Variants in KIAA0825 observed in about 807,000 individuals in gnomAD.
KIAA0825 encodes KIAA0825.
In KIAA0825, 119 loss-of-function variants were observed where a neutral mutation model predicts 147.6. The observed-to-expected ratio is 0.81, with a 90% CI of 0.69 to 0.94. The LOEUF is 0.94. Ranked by LOEUF, KIAA0825 falls within the 40% of genes least tolerant of loss-of-function variation. KIAA0825 has a pLI of 0.00. For synonymous variants in KIAA0825, 470 were observed against 518.1 expected (o/e 0.91, Z 1.26); for missense variants, 1,381 against 1,472.7 (o/e 0.94, Z 1.02).
chr5:94,614,773 C>T (rs11743258), intron 1 of KIAA0825, among the ~76,000 whole-genome samples: 4,208 of 152,190 alleles, frequency 0.028, 196 homozygotes, highest in East Asian at 0.21. Context: ...AATTGCCCTA[C>T]ATATAATTAT....
chr5:94,382,867 C>A (rs928381495), intron 20 of KIAA0825, among the ~76,000 whole-genome samples: 8 of 152,080 alleles, frequency 5.3e-5, no homozygotes, highest in Admixed American at 3.9e-4. Context: ...CCCTAGAGGA[C>A]CATTTAGTGG....
At chr5:94,541,714 T>C (rs1773353897) in intron 2 of KIAA0825, among the ~76,000 whole-genome samples, 1 of 152,256 alleles carries the variant, frequency 6.6e-6, no homozygotes, top group African/African-American at 2.4e-5. Context: ...TCTTACCTTA[T>C]GGTCAAACTG....
chr5:94,274,935 CTGAT>C (rs1777156826), intron 20 of KIAA0825, among the ~76,000 whole-genome samples: 1 of 152,106 alleles, frequency 6.6e-6, no homozygotes, highest in Non-Finnish European at 1.5e-5. Context: ...GTGGAATACA[CTGAT>C]TGGCTCAGGC....
intron 20 of KIAA0825, among the ~76,000 whole-genome samples, chr5:94,297,095 T>C (rs73139386): frequency 0.09 from 13,672 of 152,220 alleles, 677 homozygotes; most frequent in East Asian, 0.1. Flanking sequence ...TTATTCAACA[T>C]GGAAGTTAAT....
intron 20 of KIAA0825, among the ~76,000 whole-genome samples, chr5:94,353,570 CAG>C (rs749916364): frequency 3.6e-4 from 54 of 152,048 alleles, no homozygotes; most frequent in Non-Finnish European, 6.6e-4. Flanking sequence ...TTACCACTAA[CAG>C]TATAGATAAA....
At chr5:94,229,502 ATT>A (rs769082743) in intron 20 of KIAA0825, among the ~76,000 whole-genome samples, 115 of 138,768 alleles carry the variant, frequency 8.3e-4, no homozygotes, top group African/African-American at 2.7e-3. Flanking sequence ...TCCATATTGA[ATT>A]TTTTTTTTTT....
At chr5:94,199,743 T>C (rs1771486138) in intron 20 of KIAA0825, among the ~76,000 whole-genome samples, 1 of 151,908 alleles carries the variant, frequency 6.6e-6, no homozygotes, top group Non-Finnish European at 1.5e-5. Context: ...TACATGTCAG[T>C]TGGGGGATGC....
At position 94,460,377 on chromosome 5, in the gene KIAA0825, T is replaced by C. The variant is rs185399792; in HGVS notation, c.2246+2010A>G. ...TTTTGCAAACAGGTTTCATTCTTCCTGAAAAGACTTTAAAATCATGTATTC... is the reference window on the plus strand; with the variant it reads ...TTTTGCAAACAGGTTTCATTCTTCCCGAAAAGACTTTAAAATCATGTATTC... On this transcript the variant is annotated intron_variant, in intron 12 of 20. Transcript: ENST00000682413. Among the ~76,000 whole-genome samples the C allele has an allele frequency of 8.9e-4, 135 of 152,228 alleles. 1 individual carries two copies. Among genetic ancestry groups the C allele is most frequent in the Non-Finnish European group, 2.9e-4 (20 of 67,946 alleles).
At chr5:94,457,090 T>C (rs1413030326) in intron 12 of KIAA0825, among the ~76,000 whole-genome samples, 1 of 152,232 alleles carries the variant, frequency 6.6e-6, no homozygotes, top group Non-Finnish European at 1.5e-5. Flanking sequence ...CAGATGTTTA[T>C]GGTCTCAAAG....
At chr5:94,586,557 A>G in intron 1 of KIAA0825, among the ~76,000 whole-genome samples, 1 of 152,198 alleles carries the variant, frequency 6.6e-6, no homozygotes, top group East Asian at 1.9e-4. Context: ...TTAATAGGCT[A>G]CCAACCAAAA....
intron 20 of KIAA0825, among the ~76,000 whole-genome samples, chr5:94,172,539 G>A (rs1583742461): frequency 1.3e-5 from 2 of 152,118 alleles, no homozygotes; most frequent in Non-Finnish European, 2.9e-5. Context: ...TGACTTAGTT[G>A]GTTAGTTCTG....
chr5:94,465,353 C>G (rs959564445), intron 10 of KIAA0825, among the ~76,000 whole-genome samples: 7 of 152,156 alleles, frequency 4.6e-5, no homozygotes, highest in Admixed American at 2.6e-4. Flanking sequence ...AAACAACTAG[C>G]TTTGTAGTTG....
At chr5:94,458,978 A>T (rs930023629) in intron 12 of KIAA0825, among the ~76,000 whole-genome samples, 1 of 151,804 alleles carries the variant, frequency 6.6e-6, no homozygotes, top group Non-Finnish European at 1.5e-5. Context: ...GTCACTCCCC[A>T]TTCCCTCCTC....
At chr5:94,364,607 C>T (rs577705701) in intron 20 of KIAA0825, among the ~76,000 whole-genome samples, 40 of 152,134 alleles carry the variant, frequency 2.6e-4, no homozygotes, top group African/African-American at 9.4e-4. Context: ...TGGTCTCAAT[C>T]TCCTGACCTC....
intron 1 of KIAA0825, among the ~76,000 whole-genome samples, chr5:94,604,853 A>C (rs2152425605): frequency 6.6e-6 from 1 of 152,284 alleles, no homozygotes; most frequent in African/African-American, 2.4e-5. Flanking sequence ...AACCTAAAGC[A>C]GACAAATCCC....
In KIAA0825 at chr5:94,374,724, C is replaced by A. The variant is rs1367887053; in HGVS notation, c.3710+9644G>T. Reference sequence around the variant, plus strand: ...AACCCTGCTGTCTGAGACTCTTCCTCCCCAATCCTCCTTCGCCCTCACCTT... The same window carrying A: ...AACCCTGCTGTCTGAGACTCTTCCTACCCAATCCTCCTTCGCCCTCACCTT... On this transcript the variant is annotated intron_variant, in intron 20 of 20. Transcript: ENST00000682413. Among the ~76,000 whole-genome samples, 3 of 152,182 alleles carry A rather than the reference C, an allele frequency of 2.0e-5. No homozygotes were observed. The East Asian group carries it at 5.8e-4, about 29-fold the overall frequency.
chr5:94,298,494 C>T (rs915256436), intron 20 of KIAA0825, among the ~76,000 whole-genome samples: 3 of 152,138 alleles, frequency 2.0e-5, no homozygotes, highest in Admixed American at 6.5e-5. Flanking sequence ...TTGAAGGCAA[C>T]GCTTATTTGT....
intron 1 of KIAA0825, among the ~76,000 whole-genome samples, chr5:94,584,552 A>G (rs994863645): frequency 6.6e-6 from 1 of 152,246 alleles, no homozygotes; most frequent in African/African-American, 2.4e-5. Flanking sequence ...AAAAGACCAA[A>G]TCTACATTTG....
At chr5:94,374,060 A>T (rs1747155161) in intron 20 of KIAA0825, among the ~76,000 whole-genome samples, 1 of 152,196 alleles carries the variant, frequency 6.6e-6, no homozygotes, top group Admixed American at 6.5e-5. Context: ...TTTGGGTCTG[A>T]ACAGTATGTG....
Sources: gnomAD v4.1 joint callset for allele counts (sites outside exome capture counted in the v4.1 genomes callset) on GRCh38, gnomAD v4.1.1 for gene constraint, MANE v1.5 for transcripts, NCBI Gene and HGNC (gene_info 2026-07-23, HGNC 2026-07-21) for gene names.